Variants in KCTD8 observed in about 807,000 individuals in gnomAD.
The protein encoded by KCTD8 is potassium channel tetramerization domain containing 8.
In KCTD8, 27 loss-of-function variants were observed where a neutral mutation model predicts 31.5. That is an observed-to-expected ratio of 0.86 (90% CI 0.63 to 1.18). The LOEUF (loss-of-function observed/expected upper bound fraction) is 1.18, where lower values mean the gene tolerates loss of function less well. Ranked by LOEUF, KCTD8 falls within the 50% of genes most tolerant of loss-of-function variation. The pLI, the probability that KCTD8 is intolerant of heterozygous loss-of-function variation, is 0.00. For missense variants in KCTD8, 658 were observed against 647.7 expected, an observed-to-expected ratio of 1.02 and a Z score of -0.17; for synonymous variants, 290 against 280.0, an observed-to-expected ratio of 1.04 and a Z score of -0.36.
intron 1 of KCTD8, among the ~76,000 whole-genome samples, chr4:44,229,902 C>T (rs145560463): frequency 3.3e-5 from 5 of 151,868 alleles, no homozygotes; most frequent in South Asian, 2.1e-4. Context: ...TAGGTATACA[C>T]GTGCCATGGT....
chr4:44,411,787 G>A (rs1163234354), intron 1 of KCTD8, among the ~76,000 whole-genome samples: 1 of 152,032 alleles, frequency 6.6e-6, no homozygotes, highest in African/African-American at 2.4e-5. Flanking sequence ...GGATCGGAGT[G>A]CTGCAGCTGC....
chr4:44,380,254 AAC>A (rs1396343622), intron 1 of KCTD8, among the ~76,000 whole-genome samples: 1 of 151,912 alleles, frequency 6.6e-6, no homozygotes, highest in Admixed American at 6.6e-5. Flanking sequence ...GGTCCCTAAC[AAC>A]ATTATCAAAT....
intron 1 of KCTD8, among the ~76,000 whole-genome samples, chr4:44,207,914 G>C (rs573232246): frequency 6.6e-6 from 1 of 152,288 alleles, no homozygotes; most frequent in South Asian, 2.1e-4. Context: ...CTGCTGAGTT[G>C]CTAGCAATAT....
intron 1 of KCTD8, among the ~76,000 whole-genome samples, chr4:44,241,393 AC>A (rs1715453001): frequency 1.3e-5 from 2 of 152,240 alleles, no homozygotes; most frequent in Non-Finnish European, 2.9e-5. Flanking sequence ...AAGATTACAA[AC>A]ACACACCTGA....
intron 1 of KCTD8, among the ~76,000 whole-genome samples, chr4:44,374,985 T>G (rs186049325): frequency 1.5e-4 from 23 of 152,276 alleles, no homozygotes; most frequent in Admixed American, 2.6e-4. Context: ...AAACTTCAAT[T>G]TATTTTAAAA....
In KCTD8 at chr4:44,447,589, C is replaced by T. The variant is rs372138598; in HGVS notation, c.935G>A (p.Ser312Asn). ...GAAGAAAATGTACTCGGTGTAGCTG[C>T]TCCAGATCTTGTCGTCGCGGTACTG... ...VNQYRDDKIW[S>N]SYTEYIFFRP... The change falls in exon 1 of 2, where the codon AGC becomes AAC. Residue 312 changes from serine (S) to asparagine (N), a missense_variant. By Grantham distance (46) the Ser-to-Asn change is conservative. Transcript: ENST00000360029. 1.1e-5 allele frequency: 17 copies of T among 1,598,322 alleles called. No homozygotes were observed. The Admixed American group carries it at 2.4e-4, about 23-fold the overall frequency.
At chr4:44,406,719 C>G (rs749288198) in intron 1 of KCTD8, among the ~76,000 whole-genome samples, 1 of 151,940 alleles carries the variant, frequency 6.6e-6, no homozygotes, top group Admixed American at 6.6e-5. Context: ...GGAATGACAA[C>G]CTTGACCAAA....
intron 1 of KCTD8, among the ~76,000 whole-genome samples, chr4:44,355,463 T>C (rs1719318653): frequency 6.6e-6 from 1 of 152,176 alleles, no homozygotes; most frequent in South Asian, 2.1e-4. Context: ...CTCCAACCCA[T>C]GCTGTTAATA....
intron 1 of KCTD8, among the ~76,000 whole-genome samples, chr4:44,382,163 T>C (rs371309647): frequency 6.6e-6 from 1 of 152,012 alleles, no homozygotes; most frequent in African/African-American, 2.4e-5. Flanking sequence ...ACTCTCCACA[T>C]TGGACAGATT....
chr4:44,395,859 C>A (rs781256040), intron 1 of KCTD8, among the ~76,000 whole-genome samples: 3 of 152,016 alleles, frequency 2.0e-5, no homozygotes, highest in Non-Finnish European at 2.9e-5. Flanking sequence ...AGTCTCCAAC[C>A]ATTTTGGCAC....
chr4:44,279,651 G>A (rs929963097), intron 1 of KCTD8, among the ~76,000 whole-genome samples: 4 of 152,018 alleles, frequency 2.6e-5, no homozygotes, highest in East Asian at 1.9e-4. Flanking sequence ...GGAAACAAAC[G>A]TCATGGGGAA....
chr4:44,428,015 G>A (rs940510475), intron 1 of KCTD8, among the ~76,000 whole-genome samples: 5 of 151,528 alleles, frequency 3.3e-5, no homozygotes, highest in Non-Finnish European at 5.9e-5. Flanking sequence ...TTATTACTTT[G>A]AAAAGTAAAA....
At chr4:44,187,700 C>A (rs1237098038) in intron 1 of KCTD8, among the ~76,000 whole-genome samples, 1 of 152,082 alleles carries the variant, frequency 6.6e-6, no homozygotes, top group Non-Finnish European at 1.5e-5. Flanking sequence ...ATCATAACAC[C>A]TACAAGGTGC....
At chr4:44,392,960 A>G (rs530654959) in intron 1 of KCTD8, among the ~76,000 whole-genome samples, 1 of 152,180 alleles carries the variant, frequency 6.6e-6, no homozygotes, top group South Asian at 2.1e-4. Context: ...GAAGACATGG[A>G]CAAAGAAGTA....
chr4:44,204,447 C>A (rs1289572606), intron 1 of KCTD8, among the ~76,000 whole-genome samples: 1 of 152,088 alleles, frequency 6.6e-6, no homozygotes, highest in Non-Finnish European at 1.5e-5. Context: ...CTGTGAAAAT[C>A]CCTGTCCTGT....
chr4:44,403,266 ATG>A (rs1232842000), intron 1 of KCTD8, among the ~76,000 whole-genome samples: 1 of 152,150 alleles, frequency 6.6e-6, no homozygotes, highest in Admixed American at 6.6e-5. Context: ...GTATATATCT[ATG>A]TATAAAATCA....
intron 1 of KCTD8, among the ~76,000 whole-genome samples, chr4:44,331,658 A>G (rs978029390): frequency 5.3e-5 from 8 of 150,564 alleles, no homozygotes; most frequent in African/African-American, 1.9e-4. Context: ...TAAAATGTAT[A>G]TATTTTTATT....
intron 1 of KCTD8, among the ~76,000 whole-genome samples, chr4:44,221,681 G>A (rs549573979): frequency 2.1e-4 from 32 of 152,078 alleles, no homozygotes; most frequent in Non-Finnish European, 4.1e-4. Context: ...TCCAATATTT[G>A]AGGGCAGCAA....
chr4:44,362,767 T>C (rs769432267), intron 1 of KCTD8, among the ~76,000 whole-genome samples: 23 of 149,382 alleles, frequency 1.5e-4, no homozygotes, highest in Non-Finnish European at 1.0e-4. Context: ...GTGTTAAAGG[T>C]AATTTTTTTT....
Sources: gnomAD v4.1 joint callset for allele counts (sites outside exome capture counted in the v4.1 genomes callset) on GRCh38, gnomAD v4.1.1 for gene constraint, MANE v1.5 for transcripts, NCBI Gene and HGNC (gene_info 2026-07-23, HGNC 2026-07-21) for gene names.